TEX11: variants seen among roughly 807,000 people sequenced by gnomAD.
TEX11 encodes the protein testis-expressed protein 11.
Under a neutral mutation model 84.4 loss-of-function variants are expected in TEX11, and 7 were observed. The ratio of observed to expected loss-of-function variants is 0.08; its 90% CI spans 0.05 to 0.16. TEX11 has a LOEUF of 0.16. Ranked by LOEUF, TEX11 falls within the 10% of genes least tolerant of loss-of-function variation. TEX11 has a pLI of 1.00. For missense variants in TEX11, 551 were observed against 660.5 expected (o/e 0.83, Z 1.82); for synonymous variants, 264 against 222.8 (o/e 1.18, Z -1.64).
chrX:70,740,830 T>C, intron 10 of TEX11, 34 bp from the exon 11 acceptor site: 1 of 996,208 alleles, frequency 1.0e-6, no homozygotes, highest in East Asian at 3.2e-5. Context: ...AAAGCACATA[T>C]CTGATGGTTA....
chrX:70,786,965 T>C (rs2091083308), intron 9 of TEX11, among the ~76,000 whole-genome samples: 1 of 110,451 alleles, frequency 9.1e-6, no homozygotes, highest in Non-Finnish European at 1.9e-5. Flanking sequence ...AGAAACCCCA[T>C]CTCTACTAAA....
At chrX:70,577,989 A>G (rs1569337311) in intron 25 of TEX11, among the ~76,000 whole-genome samples, 2 of 111,388 alleles carry the variant, frequency 1.8e-5, no homozygotes, top group Admixed American at 1.9e-4. Context: ...TGGCCTCCCA[A>G]AGTGCTGGGA....
At chrX:70,748,342 G>A (rs1259776773) in intron 9 of TEX11, among the ~76,000 whole-genome samples, 1 of 111,246 alleles carries the variant, frequency 9.0e-6, no homozygotes, top group Non-Finnish European at 1.9e-5. Context: ...AACAGTAAGA[G>A]AAAAATGACT....
chrX:70,651,022 T>C (rs957480661), intron 17 of TEX11, among the ~76,000 whole-genome samples: 5 of 111,991 alleles, frequency 4.5e-5, no homozygotes, highest in Non-Finnish European at 7.5e-5. Flanking sequence ...GCCAAATCTC[T>C]CACCAATCAC....
At chrX:70,710,713 C>G (rs1329822244) in intron 13 of TEX11, among the ~76,000 whole-genome samples, 2 of 110,616 alleles carry the variant, frequency 1.8e-5, no homozygotes, top group Non-Finnish European at 3.8e-5. Context: ...TTCAGCTGAT[C>G]TAGCCAATCA....
chrX:70,841,435 G>A (rs2091443364), intron 7 of TEX11, among the ~76,000 whole-genome samples: 2 of 110,788 alleles, frequency 1.8e-5, no homozygotes, highest in Admixed American at 9.7e-5. Context: ...AAACCAACGA[G>A]AACAAAGACA....
intron 16 of TEX11, 136 bp downstream of exon 16, chrX:70,670,241 A>T (rs2090010803): frequency 3.1e-6 from 2 of 642,899 alleles, no homozygotes; most frequent in Non-Finnish European, 4.5e-6. Context: ...AGAAAATGTC[A>T]ATTTGACCTT....
intron 24 of TEX11, among the ~76,000 whole-genome samples, chrX:70,604,074 T>C (rs1362780222): frequency 1.8e-5 from 2 of 111,229 alleles, no homozygotes; most frequent in African/African-American, 3.3e-5. Flanking sequence ...GAGGTGTACA[T>C]GAGAAAGAAC....
intron 7 of TEX11, among the ~76,000 whole-genome samples, chrX:70,839,735 G>C (rs1160621983): frequency 2.7e-5 from 3 of 110,965 alleles, no homozygotes; most frequent in Middle Eastern, 4.6e-3. Context: ...GAAGTTAAAA[G>C]CTTTGAAAAA....
chrX:70,602,895 T>C (rs1177535078), intron 24 of TEX11, among the ~76,000 whole-genome samples: 4 of 75,735 alleles, frequency 5.3e-5, no homozygotes, highest in African/African-American at 2.0e-4. Flanking sequence ...AGAAGCATTC[T>C]TATACACCAA....
chrX:70,755,640 GT>G (rs1005496797), intron 9 of TEX11, among the ~76,000 whole-genome samples: 7 of 112,108 alleles, frequency 6.2e-5, no homozygotes, highest in African/African-American at 2.3e-4. Context: ...AGATGGCTGA[GT>G]AAAAACAGCT....
intron 3 of TEX11, among the ~76,000 whole-genome samples, chrX:70,878,469 C>A (rs1261899184): frequency 9.0e-6 from 1 of 110,603 alleles, no homozygotes; most frequent in Non-Finnish European, 1.9e-5. Flanking sequence ...CCGTGCCCAG[C>A]CAACTGGATC....
At chrX:70,525,413 C>T (rs1268688483), downstream of TEX11, among the ~76,000 whole-genome samples, 1 of 110,315 alleles carries the variant, frequency 9.1e-6, no homozygotes, top group African/African-American at 3.3e-5. Flanking sequence ...TGGTGAAATC[C>T]CATCTCTACA....
intron 13 of TEX11, among the ~76,000 whole-genome samples, chrX:70,711,294 G>T (rs138111896): frequency 0.11 from 12,224 of 110,541 alleles, 588 homozygotes; most frequent in Middle Eastern, 0.19. Context: ...AATCCTTTAG[G>T]TATATACCCA....
rs1234114625 is a variant in TEX11, at chrX:70,880,091, A to G, written c.56T>C (p.Val19Ala). 1 of 1,186,377 alleles carries G rather than the reference A, an allele frequency of 8.4e-7. No individual in the cohort carries two copies. Among genetic ancestry groups the G allele is most frequent in the Non-Finnish European group, 1.1e-6 (1 of 879,506 alleles). Residue 19 changes from valine to alanine, a missense_variant, in exon 3 of 30, where the codon GTT becomes GCT. Transcript: ENST00000374333. ...TATGTTAGGTGAATTATCATTTGTAACCAGGTTTTCAACAACTTCTGAAAT... is the reference window on the plus strand; with the variant it reads ...TATGTTAGGTGAATTATCATTTGTAGCCAGGTTTTCAACAACTTCTGAAAT... ...MDFKEVVENLVTNDNSPNIPE... is the reference protein window; with the variant it reads ...MDFKEVVENLATNDNSPNIPE...
intron 9 of TEX11, among the ~76,000 whole-genome samples, chrX:70,801,370 C>A (rs2091186348): frequency 9.0e-6 from 1 of 111,545 alleles, no homozygotes; most frequent in Non-Finnish European, 1.9e-5. Context: ...ATCTTGATGG[C>A]TGAAGTTTCC....
At position 70,601,992 on chromosome X, in the gene TEX11, G is replaced by A. The variant is rs866777403; in HGVS notation, c.2067+3409C>T. Among the ~76,000 whole-genome samples the A allele has an allele frequency of 9.6e-3, 1,057 of 110,617 alleles. 7 individuals are homozygous for A. Among genetic ancestry groups the A allele is most frequent in the African/African-American group, 0.032 (979 of 30,435 alleles). ...TCTCAATTTTTTCCCCACCCTTCCC[G>A]CCTTTCTATTCCACAAAACCGCCAT... is the stretch of plus-strand genomic sequence containing the variant. On this transcript the variant is annotated intron_variant, in intron 24 of 29. Transcript: ENST00000374333.
At chrX:70,729,100 T>A (rs1319300836) in intron 11 of TEX11, among the ~76,000 whole-genome samples, 1 of 91,390 alleles carries the variant, frequency 1.1e-5, no homozygotes, top group Non-Finnish European at 2.2e-5. Flanking sequence ...CAGCTGAGGG[T>A]CCTGACTGTT....
At chrX:70,608,335 A>G (rs1367408805) in intron 22 of TEX11, among the ~76,000 whole-genome samples, 1 of 112,403 alleles carries the variant, frequency 8.9e-6, no homozygotes, top group African/African-American at 3.2e-5. Flanking sequence ...TAAAATGAAC[A>G]ACACAATATG....
Sources: gnomAD v4.1 joint callset for allele counts (sites outside exome capture counted in the v4.1 genomes callset) on GRCh38, gnomAD v4.1.1 for gene constraint, MANE v1.5 for transcripts, NCBI Gene and HGNC (gene_info 2026-07-23, HGNC 2026-07-21) for gene names.